The following PHAX variants were observed in gnomAD, a reference collection of about 807,000 sequenced individuals.
PHAX encodes the protein phosphorylated adaptor for RNA export, also known as phosphorylated adapter RNA export protein.
A neutral mutation model predicts 41.6 loss-of-function variants in PHAX; 31 were observed. The ratio of observed to expected loss-of-function variants is 0.75; its 90% CI spans 0.56 to 1.01. The LOEUF (loss-of-function observed/expected upper bound fraction) is 1.01, where lower values mean the gene tolerates loss of function less well. Ranked by LOEUF, PHAX falls within the 50% of genes least tolerant of loss-of-function variation. The pLI is 0.00. For synonymous variants in PHAX, 175 were observed against 164.9 expected (o/e 1.06, Z -0.47); for missense variants, 453 against 472.9 (o/e 0.96, Z 0.39).
In PHAX at chr5:126,626,086, A is replaced by C. The variant is rs2112840870; in HGVS notation, c.*1242A>C. On this transcript the variant is annotated 3_prime_UTR_variant, in exon 5 of 5. Coordinates refer to ENST00000297540, the MANE Select transcript of PHAX (RefSeq NM_032177.4). ...CTCCTGTGGATTACCACATGCATTA[A>C]AAAATTTTTCAAGCTGGGCCTAGTG... The C allele has an allele frequency of 6.6e-6, 1 of 152,294 alleles. No homozygotes were observed. Among genetic ancestry groups the C allele is most frequent in the East Asian group, 1.9e-4 (1 of 5,178 alleles). The allele number at this position is 152,294 out of a possible 1,614,324, so 9.4% of individuals were successfully genotyped here.
intron 2 of PHAX, among the ~76,000 whole-genome samples, chr5:126,605,556 A>ATT (rs397729528): frequency 2.1e-3 from 307 of 147,524 alleles, no homozygotes; most frequent in African/African-American, 6.9e-3. Flanking sequence ...CACCCAAATA[A>ATT]TTTTTTTTTT....
rs562526609 is a variant in PHAX, at chr5:126,621,928, C to T, written c.916-2647C>T. Reference sequence around the variant, plus strand: ...CCACTTTGTTCTATTAAATTCATAACGCATGGGAATGAAGTTTGTTTTTAT... The same window carrying T: ...CCACTTTGTTCTATTAAATTCATAATGCATGGGAATGAAGTTTGTTTTTAT... On this transcript the variant is annotated intron_variant, in intron 4 of 4. Coordinates refer to ENST00000297540, the MANE Select transcript of PHAX (RefSeq NM_032177.4). Among the ~76,000 whole-genome samples the T allele has an allele frequency of 1.2e-4, 18 of 152,220 alleles. 2 individuals carry two copies. The East Asian group carries it at 1.9e-3, about 16-fold the overall frequency.
rs139773921 is a variant in PHAX at position 126,624,772 on chromosome 5, A to C, written c.1113A>C (p.Gly371=). Residue 371 remains glycine (G), a synonymous_variant, in exon 5 of 5, where the codon GGA becomes GGC. Transcript: ENST00000297540. ...CCTCTCTTGATGAGTCACAGGAAGG[A>C]CATGCAGAAGCCAAGTTGGAGGCAG... ...ALASLDESQE[G]HAEAKLEAEE... The C allele has an allele frequency of 5.2e-5, 84 of 1,613,764 alleles. No individual in the cohort carries two copies. In the African/African-American group the frequency reaches 9.9e-4, roughly 19 times the overall value.
chr5:126,601,342 G>C (rs1300114143), intron 1 of PHAX, among the ~76,000 whole-genome samples: 1 of 152,166 alleles, frequency 6.6e-6, no homozygotes, highest in Non-Finnish European at 1.5e-5. Flanking sequence ...GGCGGGGCGC[G>C]CGAGCCCTGG....
At chr5:126,616,935 C>A (rs906843098) in intron 3 of PHAX, among the ~76,000 whole-genome samples, 2 of 148,402 alleles carry the variant, frequency 1.3e-5, no homozygotes, top group African/African-American at 2.5e-5. Flanking sequence ...CAGATTAAAA[C>A]AGAAAATCCA....
intron 2 of PHAX, among the ~76,000 whole-genome samples, chr5:126,606,873 T>C (rs970213675): frequency 6.6e-6 from 1 of 152,054 alleles, no homozygotes; most frequent in Non-Finnish European, 1.5e-5. Context: ...ACCAGGCTGG[T>C]CTCAAACTTC....
intron 3 of PHAX, among the ~76,000 whole-genome samples, chr5:126,610,394 A>G (rs1421887488): frequency 2.0e-5 from 3 of 152,230 alleles, no homozygotes; most frequent in African/African-American, 7.2e-5. Flanking sequence ...AAGGGAGTAG[A>G]TCAATATTGT....
At chr5:126,611,757 C>T (rs1752105345) in intron 3 of PHAX, among the ~76,000 whole-genome samples, 1 of 150,378 alleles carries the variant, frequency 6.6e-6, no homozygotes, top group African/African-American at 2.5e-5. Context: ...TGCCACTGCG[C>T]TCCAGCTTGG....
At chr5:126,608,224 G>A (rs1237719263) in intron 2 of PHAX, 140 bp from the exon 3 acceptor site, 4 of 904,816 alleles carry the variant, frequency 4.4e-6, no homozygotes, top group Non-Finnish European at 6.4e-6. Flanking sequence ...TTACATGTCA[G>A]TGATTCCAAG....
intron 4 of PHAX, among the ~76,000 whole-genome samples, chr5:126,620,177 C>T (rs1001037591): frequency 4.6e-5 from 7 of 152,154 alleles, no homozygotes; most frequent in African/African-American, 1.7e-4. Flanking sequence ...TCTAAAATCT[C>T]TAGTAACTAC....
rs1751892415 is a variant in PHAX at position 126,601,210 on chromosome 5, G to A, written c.96+152G>A. 1.7e-5 allele frequency: 10 copies of A among 585,944 alleles called. 1 individual carries two copies. The South Asian group carries it at 1.9e-4, about 11-fold the overall frequency. The allele number at this position is 585,944 out of a possible 1,614,324, so 36.3% of individuals were successfully genotyped here. A position where few individuals can be genotyped will look rare whatever the true frequency, so the allele number is the denominator to read the frequency against. ...CTGTCGGGTCAGTGGCCGCAGAAGG[G>A]GCGAGCAGACGTCCCCCAGGCGGGC... is the stretch of plus-strand genomic sequence containing the variant. On this transcript the variant is annotated intron_variant, in intron 1 of 4. Coordinates refer to ENST00000297540, the MANE Select transcript of PHAX (RefSeq NM_032177.4).
In PHAX at chr5:126,608,363, G is replaced by C; in HGVS notation, c.711-1G>C. On this transcript the variant is annotated splice_acceptor_variant, in intron 2 of 4. Coordinates refer to ENST00000297540, the MANE Select transcript of PHAX (RefSeq NM_032177.4). LOFTEE classifies it high-confidence loss of function. ...GGATAATTTTACTTGTTTCTCATCA[G>C]GTTACAGGAACCAAAGAAAGACCTG... The C allele has an allele frequency of 6.2e-7, 1 of 1,613,382 alleles. No homozygotes were observed. Among genetic ancestry groups the C allele is most frequent in the Non-Finnish European group, 8.5e-7 (1 of 1,179,610 alleles).
chr5:126,603,515 G>A lies in PHAX; in HGVS notation c.97-55G>A, dbSNP rs536413918. ...TGAATCTCTAAATTTTTAAAAATTA[G>A]GTAGGTGGAGTTTATGTGTTTTGTG... On this transcript the variant is annotated intron_variant, in intron 1 of 4. Transcript: ENST00000297540. The A allele has an allele frequency of 1.1e-4, 167 of 1,530,130 alleles. No homozygotes were observed. The East Asian group carries it at 3.8e-3, about 34-fold the overall frequency. The allele number at this position is 1,530,130 out of a possible 1,614,324, so 94.8% of individuals were successfully genotyped here. A position where few individuals can be genotyped will look rare whatever the true frequency, so the allele number is the denominator to read the frequency against.
chr5:126,602,515 G>A (rs550713404), intron 1 of PHAX, among the ~76,000 whole-genome samples: 29 of 152,376 alleles, frequency 1.9e-4, no homozygotes, highest in African/African-American at 6.7e-4. Flanking sequence ...ATTATTTGAA[G>A]ATAGGAAGAT....
chr5:126,605,466 C>T (rs1189339884), intron 2 of PHAX, among the ~76,000 whole-genome samples: 1 of 152,150 alleles, frequency 6.6e-6, no homozygotes, highest in Non-Finnish European at 1.5e-5. Context: ...TATCCTGGCT[C>T]ACTGCAACGT....
intron 4 of PHAX, among the ~76,000 whole-genome samples, chr5:126,622,331 A>G (rs1189725143): frequency 6.7e-6 from 1 of 149,210 alleles, no homozygotes; most frequent in African/African-American, 2.5e-5. Context: ...ATGGGGTTTC[A>G]CCATGTTGGC....
rs746012117 is a variant in PHAX, at chr5:126,608,358, C to T, written c.711-6C>T. On this transcript the variant is annotated splice_region_variant and splice_polypyrimidine_tract_variant and intron_variant, in intron 2 of 4. Coordinates refer to ENST00000297540, the MANE Select transcript of PHAX (RefSeq NM_032177.4). ...AAAGAGGATAATTTTACTTGTTTCT[C>T]ATCAGGTTACAGGAACCAAAGAAAG... 12 of 1,611,728 alleles carry T rather than the reference C, an allele frequency of 7.4e-6. No homozygotes were observed. The highest frequency in any genetic ancestry group is 1.0e-5 in the Non-Finnish European group (12 of 1,179,076).
At chr5:126,621,530 AATG>A (rs138096251) in intron 4 of PHAX, among the ~76,000 whole-genome samples, 204 of 152,244 alleles carry the variant, frequency 1.3e-3, no homozygotes, top group African/African-American at 4.7e-3. Context: ...ATGCCACCTA[AATG>A]ATGATGTTAT....
intron 4 of PHAX, among the ~76,000 whole-genome samples, chr5:126,619,189 A>T (rs10075128): frequency 0.26 from 39,947 of 152,044 alleles, 6,537 homozygotes; most frequent in African/African-American, 0.45. Flanking sequence ...GGCCTCCGAA[A>T]GTGCTGGAAT....
Sources: allele counts gnomAD v4.1 joint callset (sites outside exome capture counted in the v4.1 genomes callset), GRCh38; gene constraint gnomAD v4.1.1; transcripts MANE v1.5; gene names NCBI Gene and HGNC (gene_info 2026-07-23, HGNC 2026-07-21).